The following SDK1 variants were observed in gnomAD, a reference collection of about 807,000 sequenced individuals.
SDK1 encodes protein sidekick-1.
A neutral mutation model predicts 245.5 loss-of-function variants in SDK1; 157 were observed. The ratio of observed to expected loss-of-function variants is 0.64; its 90% CI spans 0.56 to 0.73. The LOEUF (loss-of-function observed/expected upper bound fraction) is 0.73. Ranked by LOEUF, SDK1 falls within the 30% of genes least tolerant of loss-of-function variation. The pLI is 0.00. For synonymous variants in SDK1, 1,647 were observed against 1,278.5 expected, an observed-to-expected ratio of 1.29 and a Z score of -6.15; for missense variants, 3,583 against 3,002.3, an observed-to-expected ratio of 1.19 and a Z score of -4.52.
intron 19 of SDK1, among the ~76,000 whole-genome samples, chr7:4,059,302 C>T (rs751329241): frequency 7.9e-5 from 12 of 152,004 alleles, no homozygotes; most frequent in African/African-American, 7.2e-5. Context: ...GGAGTAGGTA[C>T]GCTTAGATAA....
chr7:3,797,194 T>TG (rs886582676), intron 4 of SDK1, among the ~76,000 whole-genome samples: 2 of 151,970 alleles, frequency 1.3e-5, no homozygotes, highest in African/African-American at 4.8e-5. Flanking sequence ...TTCGTAGAGA[T>TG]GGGGTCTCTA....
At chr7:4,193,473 G>A (rs2128223346) in intron 35 of SDK1, among the ~76,000 whole-genome samples, 1 of 149,654 alleles carries the variant, frequency 6.7e-6, no homozygotes, top group South Asian at 2.1e-4. Context: ...CACTACTGGG[G>A]ATGAGGAAGC....
intron 1 of SDK1, among the ~76,000 whole-genome samples, chr7:3,353,608 T>C (rs1311108788): frequency 6.6e-6 from 1 of 152,176 alleles, no homozygotes; most frequent in East Asian, 1.9e-4. Flanking sequence ...AACTTACCAT[T>C]CCAGTCTATT....
At chr7:3,953,305 C>G (rs1352613922) in intron 7 of SDK1, among the ~76,000 whole-genome samples, 1 of 152,152 alleles carries the variant, frequency 6.6e-6, no homozygotes, top group East Asian at 1.9e-4. Context: ...CTTGACTCTT[C>G]TAAATACAAT....
At chr7:4,063,004 G>C (rs1779636027) in intron 19 of SDK1, among the ~76,000 whole-genome samples, 1 of 152,174 alleles carries the variant, frequency 6.6e-6, no homozygotes, top group South Asian at 2.1e-4. Flanking sequence ...ACATCACACT[G>C]AATGGGGAAA....
rs962183187 is a variant in SDK1, at chr7:4,127,761, T to C, written c.3939+265T>C. 4.6e-5 allele frequency among the ~76,000 whole-genome samples: 7 copies of C among 152,346 alleles called. No homozygotes were observed. In the South Asian group the frequency reaches 1.2e-3, roughly 27 times the overall value. ...CCGGAGTGGAACTGACCTCCGGGCC[T>C]GCGCCTGACTCTGCCCTCGCTGGCC... is the stretch of plus-strand genomic sequence containing the variant. On this transcript the variant is annotated intron_variant, in intron 26 of 44. Transcript: ENST00000404826.
At chr7:3,971,673 C>T (rs1362039228) in intron 12 of SDK1, 105 bp downstream of exon 12, 3 of 819,214 alleles carry the variant, frequency 3.7e-6, no homozygotes, top group Admixed American at 2.0e-5. Context: ...TTGATTTCAG[C>T]AGCAGGTCCC....
At chr7:3,416,463 C>CTTTT (rs5881982) in intron 1 of SDK1, among the ~76,000 whole-genome samples, 1 of 132,388 alleles carries the variant, frequency 7.6e-6, no homozygotes, top group African/African-American at 2.8e-5. Context: ...GGCTTTCGTT[C>CTTTT]TTTTTTTTTT....
chr7:3,588,226 G>C (rs1191393416), intron 1 of SDK1, among the ~76,000 whole-genome samples: 1 of 152,162 alleles, frequency 6.6e-6, no homozygotes, highest in Non-Finnish European at 1.5e-5. Flanking sequence ...TGTTACTTAG[G>C]TCAAGAGGGA....
At chr7:3,841,312 A>G (rs1302793604) in intron 5 of SDK1, among the ~76,000 whole-genome samples, 2 of 152,214 alleles carry the variant, frequency 1.3e-5, no homozygotes, top group East Asian at 3.9e-4. Context: ...GATCCAGCAG[A>G]ACGGATGGTG....
chr7:4,081,107 C>T (rs911918702), intron 22 of SDK1, among the ~76,000 whole-genome samples: 3 of 152,192 alleles, frequency 2.0e-5, no homozygotes, highest in African/African-American at 4.8e-5. Flanking sequence ...CAGGAGGCAG[C>T]GCTCTCTGCA....
intron 17 of SDK1, among the ~76,000 whole-genome samples, chr7:4,022,506 G>C (rs1282031373): frequency 6.6e-6 from 1 of 152,180 alleles, no homozygotes. Flanking sequence ...AGAGAACTCA[G>C]CAGTGACACA....
intron 1 of SDK1, among the ~76,000 whole-genome samples, chr7:3,322,170 A>G (rs1039773466): frequency 6.6e-6 from 1 of 152,106 alleles, no homozygotes; most frequent in Non-Finnish European, 1.5e-5. Flanking sequence ...CGTATTAAGC[A>G]GCCCCTAATG....
chr7:3,981,891 A>G (rs1302649975), intron 13 of SDK1, among the ~76,000 whole-genome samples: 1 of 152,270 alleles, frequency 6.6e-6, no homozygotes, highest in African/African-American at 2.4e-5. Flanking sequence ...TAAGTTATTC[A>G]GAAGACCTAG....
intron 1 of SDK1, among the ~76,000 whole-genome samples, chr7:3,526,027 G>C (rs1783115959): frequency 6.6e-6 from 1 of 152,022 alleles, no homozygotes; most frequent in Non-Finnish European, 1.5e-5. Context: ...CTGAGGTCGG[G>C]AGTTTGAGAC....
chr7:4,202,710 C>G (rs1028682224), intron 35 of SDK1, among the ~76,000 whole-genome samples: 9 of 152,356 alleles, frequency 5.9e-5, no homozygotes, highest in Admixed American at 1.3e-4. Flanking sequence ...TTTTCCCTCA[C>G]TCTCTGAAGC....
intron 34 of SDK1, among the ~76,000 whole-genome samples, chr7:4,176,366 G>C (rs939792285): frequency 2.0e-5 from 3 of 152,040 alleles, no homozygotes; most frequent in Admixed American, 6.5e-5. Context: ...ACGGGTTCTT[G>C]CTATGTTGTA....
At chr7:3,570,118 G>A (rs546145933) in intron 1 of SDK1, among the ~76,000 whole-genome samples, 2 of 152,278 alleles carry the variant, frequency 1.3e-5, no homozygotes, top group South Asian at 4.2e-4. Flanking sequence ...GTTGGTTTGG[G>A]CCAAGCCTTG....
chr7:3,319,422 T>C (rs764595367), intron 1 of SDK1, among the ~76,000 whole-genome samples: 1 of 151,738 alleles, frequency 6.6e-6, no homozygotes, highest in Non-Finnish European at 1.5e-5. Context: ...AAGGTATTAA[T>C]TCCTTATCAG....
Sources: gnomAD v4.1 joint callset for allele counts (sites outside exome capture counted in the v4.1 genomes callset) on GRCh38, gnomAD v4.1.1 for gene constraint, MANE v1.5 for transcripts, NCBI Gene and HGNC (gene_info 2026-07-23, HGNC 2026-07-21) for gene names.